MS4A4A: variants seen among roughly 807,000 people sequenced by gnomAD.
The protein encoded by MS4A4A is membrane spanning 4-domains A4A, also known as membrane-spanning 4-domains subfamily A member 4A.
In MS4A4A, 26 loss-of-function variants were observed where a neutral mutation model predicts 28.0. The observed-to-expected ratio is 0.93, with a 90% CI of 0.68 to 1.29. The LOEUF (loss-of-function observed/expected upper bound fraction) is 1.29. Among genes scored for constraint, MS4A4A ranks in the 50% most tolerant of loss-of-function variants. The probability of loss-of-function intolerance (pLI) is 0.00; values close to 1 mark genes in which losing one functional copy is unlikely to be tolerated. For missense variants in MS4A4A, 290 were observed against 293.1 expected, an observed-to-expected ratio of 0.99 and a Z score of 0.08; for synonymous variants, 86 against 100.8, an observed-to-expected ratio of 0.85 and a Z score of 0.88.
chr11:60,288,115 G>A (rs2084818897), intron 1 of MS4A4A, among the ~76,000 whole-genome samples: 1 of 152,160 alleles, frequency 6.6e-6, no homozygotes, highest in Non-Finnish European at 1.5e-5. Context: ...CTGGGACTCT[G>A]TGTTGGCTCT....
chr11:60,281,235 T>C (rs1330986838), intron 1 of MS4A4A, among the ~76,000 whole-genome samples: 1 of 152,116 alleles, frequency 6.6e-6, no homozygotes, highest in Non-Finnish European at 1.5e-5. Flanking sequence ...TCTCCAGTGG[T>C]CTTTGGCACT....
At chr11:60,285,983 C>T in intron 1 of MS4A4A, among the ~76,000 whole-genome samples, 1 of 152,150 alleles carries the variant, frequency 6.6e-6, no homozygotes, top group East Asian at 1.9e-4. Context: ...TATTTCATCC[C>T]TTATCTTCAA....
At chr11:60,288,087 C>T (rs2084818437) in intron 1 of MS4A4A, among the ~76,000 whole-genome samples, 1 of 152,176 alleles carries the variant, frequency 6.6e-6, no homozygotes, top group African/African-American at 2.4e-5. Context: ...ACCATGGCTA[C>T]ACTAGGCATA....
intron 1 of MS4A4A, among the ~76,000 whole-genome samples, chr11:60,285,409 T>C (rs2084795181): frequency 6.6e-6 from 1 of 152,082 alleles, no homozygotes; most frequent in South Asian, 2.1e-4. Context: ...GTGGCTGAGG[T>C]CGAGGCTGCA....
At chr11:60,295,033 C>T (rs1379403099) in intron 2 of MS4A4A, among the ~76,000 whole-genome samples, 2 of 151,474 alleles carry the variant, frequency 1.3e-5, no homozygotes, top group Non-Finnish European at 2.9e-5. Flanking sequence ...AAATAACTTG[C>T]TGGGATTTTA....
intron 5 of MS4A4A, among the ~76,000 whole-genome samples, chr11:60,304,120 A>C (rs2084977115): frequency 6.6e-6 from 1 of 152,246 alleles, no homozygotes; most frequent in Non-Finnish European, 1.5e-5. Context: ...CAAAAGGAAG[A>C]TTAGATTCTA....
chr11:60,303,918 A>G (rs535629200), intron 5 of MS4A4A, among the ~76,000 whole-genome samples: 2 of 152,294 alleles, frequency 1.3e-5, no homozygotes, highest in South Asian at 2.1e-4. Context: ...CTAATTCTAC[A>G]TAGTTTTGTG....
At position 60,302,696 on chromosome 11, in the gene MS4A4A, T is replaced by C. The variant is rs2084963476; in HGVS notation, c.525T>C (p.His175=). 6.2e-7 allele frequency: 1 copy of C among 1,613,826 alleles called. No homozygotes were observed. The highest frequency in any genetic ancestry group is 1.3e-5 in the African/African-American group (1 of 74,934). The change falls in exon 5 of 7, where the codon CAT becomes CAC. Residue 175 remains histidine, a synonymous_variant. Transcript: ENST00000337908. Reference sequence around the variant, plus strand: ...ACTATGGCAACTCAAATAATTGTCATGGGACTATGTCCATCTTAATGGTTG... The same window carrying C: ...ACTATGGCAACTCAAATAATTGTCACGGGACTATGTCCATCTTAATGGTTG... ...CNYYGNSNNC[H]GTMSILMGLD...
chr11:60,287,493 T>A (rs1020691743), intron 1 of MS4A4A, among the ~76,000 whole-genome samples: 1 of 152,228 alleles, frequency 6.6e-6, no homozygotes, highest in Non-Finnish European at 1.5e-5. Flanking sequence ...CTCTTAATAC[T>A]GTTAAAATGG....
chr11:60,297,162 G>A (rs937425243), intron 2 of MS4A4A, 35 bp from the exon 3 acceptor site: 4 of 1,609,744 alleles, frequency 2.5e-6, no homozygotes, highest in Admixed American at 1.7e-5. Context: ...TTTTTGTGGT[G>A]GACAATCAGT....
intron 1 of MS4A4A, among the ~76,000 whole-genome samples, chr11:60,284,960 G>T (rs549279096): frequency 5.9e-5 from 9 of 152,320 alleles, no homozygotes; most frequent in African/African-American, 2.2e-4. Context: ...GAAGGGAGAA[G>T]AGGTAATTTT....
chr11:60,297,289 C>T lies in MS4A4A; in HGVS notation c.294C>T (p.Ser98=), dbSNP rs374259384. 78 of 1,613,350 alleles carry T rather than the reference C, an allele frequency of 4.8e-5. No homozygotes were observed. Among genetic ancestry groups the T allele is most frequent in the East Asian group, 1.3e-4 (6 of 44,848 alleles). Residue 98 remains serine, a synonymous_variant, in exon 3 of 7, where the codon TCC becomes TCT. Coordinates refer to ENST00000337908, the MANE Select transcript of MS4A4A (RefSeq NM_148975.3). ...ATACTTATGGAAGTAACCCTATTTC[C>T]GTGTATATCGGGTACACAATTTGGG... ...ASNTYGSNPI[S]VYIGYTIWGS...
At chr11:60,307,825 T>C (rs1490452830) in intron 6 of MS4A4A, among the ~76,000 whole-genome samples, 1 of 152,156 alleles carries the variant, frequency 6.6e-6, no homozygotes, top group Non-Finnish European at 1.5e-5. Flanking sequence ...AACACCTTGG[T>C]TTACCCAACG....
rs187155252 is a variant in MS4A4A, at chr11:60,300,195, A to G, written c.331-806A>G. Among the ~76,000 whole-genome samples the G allele has an allele frequency of 1.2e-4, 18 of 152,362 alleles. No homozygotes were observed. The East Asian group carries it at 2.5e-3, about 21-fold the overall frequency. On this transcript the variant is annotated intron_variant, in intron 3 of 6. Coordinates refer to ENST00000337908, the MANE Select transcript of MS4A4A (RefSeq NM_148975.3). ...TGAATATTAAAAGATAGAGAGTCTA[A>G]CCAACTTGACTAGTTATTTTAGCTA... is the stretch of plus-strand genomic sequence containing the variant.
At chr11:60,307,100 A>T (rs2085009681) in intron 6 of MS4A4A, among the ~76,000 whole-genome samples, 1 of 152,240 alleles carries the variant, frequency 6.6e-6, no homozygotes, top group Admixed American at 6.5e-5. Flanking sequence ...ATGGATAGTA[A>T]AACCCCAACA....
intron 1 of MS4A4A, 42 bp from the exon 2 acceptor site, chr11:60,292,183 C>T (rs367544820): frequency 7.4e-6 from 11 of 1,492,796 alleles, no homozygotes; most frequent in Non-Finnish European, 9.8e-6. Flanking sequence ...TCCTCTTTTG[C>T]CATTTCCAGG....
intron 1 of MS4A4A, among the ~76,000 whole-genome samples, chr11:60,291,629 C>G (rs1329716704): frequency 6.6e-6 from 1 of 151,804 alleles, no homozygotes; most frequent in Non-Finnish European, 1.5e-5. Flanking sequence ...GAAACTCTGT[C>G]TCTACTAAAA....
chr11:60,291,905 C>T (rs923462684), intron 1 of MS4A4A, among the ~76,000 whole-genome samples: 2 of 151,902 alleles, frequency 1.3e-5, no homozygotes, highest in African/African-American at 4.8e-5. Flanking sequence ...AAATCTGAGC[C>T]GACTTGGAAT....
chr11:60,296,732 T>C (rs1254407346), intron 2 of MS4A4A: 1 of 201,812 alleles, frequency 5.0e-6, no homozygotes, highest in Non-Finnish European at 9.9e-6. Context: ...TTTAGATCCC[T>C]GTGTACTCAT....
Sources: allele counts gnomAD v4.1 joint callset (sites outside exome capture counted in the v4.1 genomes callset), GRCh38; gene constraint gnomAD v4.1.1; transcripts MANE v1.5; gene names NCBI Gene and HGNC (gene_info 2026-07-23, HGNC 2026-07-21).